Variants in HNRNPC observed in about 807,000 individuals in gnomAD.
HNRNPC encodes the protein heterogeneous nuclear ribonucleoproteins C1/C2.
Under a neutral mutation model 33.2 loss-of-function variants are expected in HNRNPC, and 3 were observed. The observed-to-expected ratio is 0.09, with a 90% confidence interval of 0.04 to 0.23. HNRNPC has a LOEUF of 0.23. Among genes scored for constraint, HNRNPC ranks in the 10% least tolerant of loss-of-function variants. HNRNPC has a pLI of 1.00. For missense variants in HNRNPC, 143 were observed against 366.7 expected (o/e 0.39, Z 4.98); for synonymous variants, 121 against 126.7 (o/e 0.96, Z 0.30).
chr14:21,258,631 A>T (rs1877641566), intron 2 of HNRNPC, among the ~76,000 whole-genome samples: 1 of 152,212 alleles, frequency 6.6e-6, no homozygotes, highest in Non-Finnish European at 1.5e-5. Flanking sequence ...CAACTTTAAC[A>T]GTGTTGGACA....
intron 2 of HNRNPC, among the ~76,000 whole-genome samples, chr14:21,243,110 TG>T (rs949250268): frequency 4.5e-4 from 68 of 151,646 alleles, no homozygotes; most frequent in African/African-American, 1.5e-3. Context: ...AAAGGAGAGG[TG>T]GGGGGGTGGG....
intron 2 of HNRNPC, among the ~76,000 whole-genome samples, chr14:21,241,626 ACTCT>A (rs924013829): frequency 4.6e-5 from 7 of 151,772 alleles, no homozygotes; most frequent in African/African-American, 1.7e-4. Flanking sequence ...ATCCCACATT[ACTCT>A]CTATCTGGTC....
chr14:21,241,837 CT>C (rs997924297), intron 2 of HNRNPC, among the ~76,000 whole-genome samples: 3 of 152,108 alleles, frequency 2.0e-5, no homozygotes, highest in African/African-American at 7.2e-5. Context: ...ACAGTAATAC[CT>C]GGGGATATTA....
At chr14:21,261,850 C>T (rs1450481777) in intron 2 of HNRNPC, among the ~76,000 whole-genome samples, 1 of 152,170 alleles carries the variant, frequency 6.6e-6, no homozygotes, top group South Asian at 2.1e-4. Flanking sequence ...CTACGGGTTG[C>T]TCAACTTCTC....
At chr14:21,213,153 C>G in intron 5 of HNRNPC, 36 bp from the exon 6 acceptor site, 1 of 1,598,164 alleles carries the variant, frequency 6.3e-7, no homozygotes, top group Non-Finnish European at 8.6e-7. Flanking sequence ...TCATTCAAAC[C>G]TAACATTAAC....
rs1891578381 is a variant in HNRNPC, at chr14:21,211,398, GT to G, written c.798+7del. On this transcript the variant is annotated splice_region_variant and intron_variant, in intron 8 of 8. Transcript: ENST00000553300. ...CCACCTTTTTCTTTCCTTTCCCGTGGTTTTCACCTGGTCATCCCCCCGATCT... is the reference window on the plus strand; with the variant it reads ...CCACCTTTTTCTTTCCTTTCCCGTGGTTTCACCTGGTCATCCCCCCGATCT... 2 of 1,599,438 alleles carry G rather than the reference GT, an allele frequency of 1.3e-6. No homozygotes were observed. The highest frequency in any genetic ancestry group is 1.8e-5 in the Admixed American group (1 of 57,078).
At chr14:21,231,277 G>A in intron 3 of HNRNPC, 1 of 668,068 alleles carries the variant, frequency 1.5e-6, no homozygotes, top group South Asian at 1.5e-5. Flanking sequence ...GTCACTACAG[G>A]CGGGCACCAC....
chr14:21,230,949 G>C (rs750151024), intron 4 of HNRNPC, 48 bp downstream of exon 4: 1 of 1,606,720 alleles, frequency 6.2e-7, no homozygotes. Flanking sequence ...AAATAATAAA[G>C]TTCCGGACCT....
In HNRNPC at chr14:21,231,310, C is replaced by T. The variant is rs575680331; in HGVS notation, c.242-238G>A. The T allele has an allele frequency of 5.4e-5, 33 of 614,330 alleles. 1 individual carries two copies. The highest frequency in any genetic ancestry group is 2.5e-4 in the East Asian group (7 of 28,208). 38.1% of individuals were successfully genotyped at this position (614,330 alleles called of 1,614,324 possible). ...CACCATGCCCAGCTAATACAAACTA[C>T]GAAGTTTAGAAAATCACACAGACAC... On this transcript the variant is annotated intron_variant, in intron 3 of 8. Coordinates refer to ENST00000553300, the MANE Select transcript of HNRNPC (RefSeq NM_004500.4).
intron 2 of HNRNPC, among the ~76,000 whole-genome samples, chr14:21,262,050 C>A (rs2139033751): frequency 6.6e-6 from 1 of 152,256 alleles, no homozygotes. Flanking sequence ...TTAGACAGTT[C>A]CTAATTTGGA....
At chr14:21,224,990 G>T (rs1349799489) in intron 5 of HNRNPC, among the ~76,000 whole-genome samples, 1 of 152,108 alleles carries the variant, frequency 6.6e-6, no homozygotes, top group Admixed American at 6.5e-5. Context: ...AAAGTCCTCA[G>T]AAAGACCATT....
intron 7 of HNRNPC, 47 bp downstream of exon 7, chr14:21,211,763 G>A: frequency 1.9e-6 from 3 of 1,539,414 alleles, no homozygotes; most frequent in Non-Finnish European, 2.7e-6. Context: ...AGTGCCTTAT[G>A]TAACTAACCC....
chr14:21,250,629 G>A (rs552131251), intron 2 of HNRNPC, among the ~76,000 whole-genome samples: 1 of 152,220 alleles, frequency 6.6e-6, no homozygotes, highest in East Asian at 1.9e-4. Flanking sequence ...AATTCTGTTT[G>A]TAATTTAGAA....
intron 2 of HNRNPC, among the ~76,000 whole-genome samples, chr14:21,254,997 C>T (rs897224443): frequency 2.0e-5 from 3 of 151,530 alleles, no homozygotes; most frequent in Non-Finnish European, 4.4e-5. Context: ...ATGAATTCCA[C>T]AAACTTAAGG....
rs147158391 is a variant in HNRNPC at position 21,251,496 on chromosome 14, C to A, written c.-37+11815G>T. Among the ~76,000 whole-genome samples the A allele has an allele frequency of 5.1e-3, 768 of 151,948 alleles. 4 individuals carry two copies. Among genetic ancestry groups the A allele is most frequent in the Non-Finnish European group, 8.2e-3 (555 of 67,956 alleles). On this transcript the variant is annotated intron_variant, in intron 2 of 8. Coordinates refer to ENST00000553300, the MANE Select transcript of HNRNPC (RefSeq NM_004500.4). ...GAGTTCCAGACCAGCCTGGCCTACACGGTGAAACCCTGTCTCCACTAAAAA... is the reference window on the plus strand; with the variant it reads ...GAGTTCCAGACCAGCCTGGCCTACAAGGTGAAACCCTGTCTCCACTAAAAA...
chr14:21,262,163 G>C (rs1878355273), intron 2 of HNRNPC, among the ~76,000 whole-genome samples: 1 of 152,012 alleles, frequency 6.6e-6, no homozygotes, highest in Admixed American at 6.6e-5. Context: ...ATATTATGTT[G>C]TATCTCCTAT....
intron 2 of HNRNPC, among the ~76,000 whole-genome samples, chr14:21,250,158 C>G (rs140493013): frequency 6.6e-6 from 1 of 151,730 alleles, no homozygotes; most frequent in Non-Finnish European, 1.5e-5. Context: ...GAGGCCAAGG[C>G]AGGGGAATTG....
intron 5 of HNRNPC, among the ~76,000 whole-genome samples, chr14:21,223,847 A>G (rs1893124781): frequency 6.6e-6 from 1 of 152,170 alleles, no homozygotes; most frequent in African/African-American, 2.4e-5. Flanking sequence ...ACCTATATGT[A>G]TGATACACAG....
At chr14:21,233,773 T>G (rs1465736527) in intron 3 of HNRNPC, among the ~76,000 whole-genome samples, 180 bp downstream of exon 3, 2 of 152,248 alleles carry the variant, frequency 1.3e-5, no homozygotes, top group East Asian at 3.9e-4. Flanking sequence ...AATGGTACAA[T>G]GAAGAATATC....
Sources: allele counts gnomAD v4.1 joint callset (sites outside exome capture counted in the v4.1 genomes callset), GRCh38; gene constraint gnomAD v4.1.1; transcripts MANE v1.5; gene names NCBI Gene and HGNC (gene_info 2026-07-23, HGNC 2026-07-21).